Variants in VAV1 observed in about 807,000 individuals in gnomAD.
VAV1 encodes the protein vav guanine nucleotide exchange factor 1.
VAV1 carries 33 observed loss-of-function variants against 128.1 expected under a neutral mutation model. That is an observed-to-expected ratio of 0.26 (90% CI 0.20 to 0.34). The LOEUF (loss-of-function observed/expected upper bound fraction) is 0.34, where lower values mean the gene tolerates loss of function less well. Ranked by LOEUF, VAV1 falls within the 10% of genes least tolerant of loss-of-function variation. The pLI, the probability that VAV1 is intolerant of heterozygous loss-of-function variation, is 1.00. For missense variants in VAV1, 715 were observed against 1,093.7 expected (o/e 0.65, Z 4.88); for synonymous variants, 394 against 409.8 (o/e 0.96, Z 0.47).
chr19:6,848,968 A>AT (rs1220632179), intron 23 of VAV1, among the ~76,000 whole-genome samples: 1 of 149,784 alleles, frequency 6.7e-6, no homozygotes, highest in Non-Finnish European at 1.5e-5. Flanking sequence ...TAATGTTTAT[A>AT]TTTTTTGTAG....
At chr19:6,780,587 T>G (rs566046886) in intron 1 of VAV1, among the ~76,000 whole-genome samples, 73 of 148,476 alleles carry the variant, frequency 4.9e-4, no homozygotes, top group African/African-American at 1.7e-3. Flanking sequence ...TTTTTTTTTT[T>G]TTGGGACGGA....
intron 1 of VAV1, chr19:6,816,530 C>G (rs1312975577): frequency 1.3e-5 from 2 of 151,796 alleles, no homozygotes; most frequent in Non-Finnish European, 2.9e-5. Flanking sequence ...CACATACGCA[C>G]ACACAGACAC....
intron 1 of VAV1, among the ~76,000 whole-genome samples, chr19:6,800,213 A>C (rs891191308): frequency 3.9e-5 from 6 of 152,040 alleles, no homozygotes; most frequent in African/African-American, 1.4e-4. Flanking sequence ...AAATAATAGT[A>C]ATAACAAGGA....
intron 19 of VAV1, chr19:6,835,728 T>C (rs1568311630): frequency 6.6e-6 from 1 of 152,240 alleles, no homozygotes; most frequent in Non-Finnish European, 1.5e-5. Flanking sequence ...CTTTTCATTG[T>C]TGTATAGTAT....
At chr19:6,834,557 T>A (rs1378556248) in intron 19 of VAV1, among the ~76,000 whole-genome samples, 1 of 147,760 alleles carries the variant, frequency 6.8e-6, no homozygotes, top group Non-Finnish European at 1.5e-5. Flanking sequence ...TTTTAAAAAA[T>A]TTAAAAATAT....
At chr19:6,780,464 G>A (rs933023717) in intron 1 of VAV1, among the ~76,000 whole-genome samples, 3 of 150,666 alleles carry the variant, frequency 2.0e-5, no homozygotes, top group Admixed American at 1.3e-4. Flanking sequence ...GCACACCTGG[G>A]CTATATGGTA....
At position 6,825,390 on chromosome 19, in the gene VAV1, A is replaced by G; in HGVS notation, c.811A>G (p.Ile271Val). Residue 271 changes from isoleucine (I) to valine (V), a missense_variant, in exon 8 of 27, where the codon ATC (isoleucine) becomes GTC (valine). By Grantham distance (29) the Ile-to-Val change is conservative. Coordinates refer to ENST00000602142, the MANE Select transcript of VAV1 (RefSeq NM_005428.4). ...PGAANLYQVFIKYKERFLVYG... is the reference protein window; with the variant it reads ...PGAANLYQVFVKYKERFLVYG... ...CGCAGCCAATCTCTACCAGGTCTTC[A>G]TCAAATACAAGGAGAGGTGAGACCC... The G allele has an allele frequency of 6.2e-7, 1 of 1,613,122 alleles. No homozygotes were observed. The highest frequency in any genetic ancestry group is 1.3e-5 in the African/African-American group (1 of 75,048).
At chr19:6,823,613 C>T (rs936151179) in intron 6 of VAV1, among the ~76,000 whole-genome samples, 4 of 151,370 alleles carry the variant, frequency 2.6e-5, no homozygotes, top group African/African-American at 9.7e-5. Context: ...TGCACTGGGC[C>T]TCTTCCTCTT....
chr19:6,786,656 G>T (rs1026647409), intron 1 of VAV1, among the ~76,000 whole-genome samples: 1 of 151,786 alleles, frequency 6.6e-6, no homozygotes, highest in Non-Finnish European at 1.5e-5. Flanking sequence ...GATGGTGTGC[G>T]CCTATAGTCC....
chr19:6,849,005 G>A (rs1016663692), intron 23 of VAV1, among the ~76,000 whole-genome samples: 2 of 151,814 alleles, frequency 1.3e-5, no homozygotes, highest in Non-Finnish European at 2.9e-5. Flanking sequence ...TTGTTGCCCA[G>A]GCTGGTCTCA....
chr19:6,827,579 C>T (rs1369770761), intron 9 of VAV1, among the ~76,000 whole-genome samples: 1 of 151,812 alleles, frequency 6.6e-6, no homozygotes, highest in Non-Finnish European at 1.5e-5. Context: ...CAGCCTCTTC[C>T]CATTGCTTTT....
chr19:6,821,353 A>G (rs988169882), intron 2 of VAV1, among the ~76,000 whole-genome samples: 2 of 152,138 alleles, frequency 1.3e-5, no homozygotes, highest in Non-Finnish European at 2.9e-5. Flanking sequence ...GTGAGCCGAG[A>G]TGGTGCCACT....
chr19:6,845,042 G>A (rs1972484188), intron 22 of VAV1, among the ~76,000 whole-genome samples: 1 of 152,056 alleles, frequency 6.6e-6, no homozygotes, highest in Non-Finnish European at 1.5e-5. Context: ...AAAAAAAGAT[G>A]TTAAACACCA....
At chr19:6,811,438 GAGAGCCC>G (rs1971509434) in intron 1 of VAV1, among the ~76,000 whole-genome samples, 1 of 152,196 alleles carries the variant, frequency 6.6e-6, no homozygotes, top group South Asian at 2.1e-4. Context: ...TTCATCTGGA[GAGAGCCC>G]AGCACAGGCG....
At position 6,832,156 on chromosome 19, in the gene VAV1, A is replaced by C. The variant is rs147447114; in HGVS notation, c.1464A>C (p.Thr488=). Residue 488 remains threonine, a synonymous_variant, in exon 15 of 27, where the codon ACA becomes ACC. Transcript: ENST00000602142. ...AGGGCTATGAGCTGTTCTTCAAGAC[A>C]AGAGAATTGAAGAAGAAGTGGATGG... ...GAQGYELFFK[T]RELKKKWMEQ... 192 of 1,614,000 alleles carry C rather than the reference A, an allele frequency of 1.2e-4. No individual in the cohort carries two copies. The highest frequency in any genetic ancestry group is 1.6e-4 in the Non-Finnish European group (187 of 1,180,004).
intron 1 of VAV1, among the ~76,000 whole-genome samples, chr19:6,818,734 G>C (rs1430200056): frequency 1.3e-5 from 2 of 152,122 alleles, no homozygotes; most frequent in Non-Finnish European, 2.9e-5. Context: ...GTGCAGGCAG[G>C]GCAAGACCAC....
At chr19:6,856,966 T>C in intron 26 of VAV1, 88 bp from the exon 27 acceptor site, 1 of 1,224,204 alleles carries the variant, frequency 8.2e-7, no homozygotes. Context: ...GCAAAGGCCC[T>C]GAGGTGGGAG....
chr19:6,851,269 G>A (rs1340434754), intron 24 of VAV1, among the ~76,000 whole-genome samples: 1 of 151,870 alleles, frequency 6.6e-6, no homozygotes, highest in African/African-American at 2.4e-5. Flanking sequence ...CAAATTCCTG[G>A]TTTAAATAAT....
At chr19:6,773,081 G>A (rs1227164205) in intron 1 of VAV1, 70 bp downstream of exon 1, 2 of 1,580,958 alleles carry the variant, frequency 1.3e-6, no homozygotes, top group South Asian at 1.1e-5. Context: ...ACAGTCGAGG[G>A]GCTGACGTGC....
Sources: allele counts gnomAD v4.1 joint callset (sites outside exome capture counted in the v4.1 genomes callset), GRCh38; gene constraint gnomAD v4.1.1; transcripts MANE v1.5; gene names NCBI Gene and HGNC (gene_info 2026-07-23, HGNC 2026-07-21).